Variants in NDUFAF2 observed in about 807,000 individuals in gnomAD.
The protein encoded by NDUFAF2 is NADH dehydrogenase [ubiquinone] 1 alpha subcomplex assembly factor 2.
Under a neutral mutation model 22.8 loss-of-function variants are expected in NDUFAF2, and 13 were observed. That is an observed-to-expected ratio of 0.57 (90% CI 0.37 to 0.91). NDUFAF2 has a LOEUF of 0.91. Ranked by LOEUF, NDUFAF2 falls within the 40% of genes least tolerant of loss-of-function variation. NDUFAF2 has a pLI of 0.01. For missense variants in NDUFAF2, 162 were observed against 195.2 expected (o/e 0.83, Z 1.01); for synonymous variants, 53 against 64.2 (o/e 0.83, Z 0.84).
intron 3 of NDUFAF2, among the ~76,000 whole-genome samples, chr5:61,130,843 A>G (rs1291778981): frequency 6.6e-6 from 1 of 152,178 alleles, no homozygotes; most frequent in East Asian, 1.9e-4. Context: ...TTTATGCTCC[A>G]GTGAGAAAGA....
At chr5:60,959,442 T>G (rs907684792) in intron 1 of NDUFAF2, among the ~76,000 whole-genome samples, 4 of 152,062 alleles carry the variant, frequency 2.6e-5, no homozygotes, top group Non-Finnish European at 4.4e-5. Context: ...ATAATATGGA[T>G]CATTCCTAAT....
At chr5:61,135,095 A>C (rs1457966221) in intron 3 of NDUFAF2, among the ~76,000 whole-genome samples, 1 of 151,924 alleles carries the variant, frequency 6.6e-6, no homozygotes, top group Non-Finnish European at 1.5e-5. Context: ...ACAATATTAA[A>C]TTTGAATTGG....
chr5:60,995,286 A>G (rs928610314), intron 1 of NDUFAF2, among the ~76,000 whole-genome samples: 2 of 152,206 alleles, frequency 1.3e-5, no homozygotes, highest in Non-Finnish European at 2.9e-5. Context: ...GTTAGGTATT[A>G]TAGTCATCAC....
intron 3 of NDUFAF2, among the ~76,000 whole-genome samples, chr5:61,108,251 T>C (rs1237907526): frequency 1.4e-5 from 2 of 146,586 alleles, no homozygotes; most frequent in African/African-American, 2.6e-5. Flanking sequence ...GTATTTCTAG[T>C]TCTAGATCCC....
chr5:61,039,283 A>G (rs1751841521), intron 1 of NDUFAF2, among the ~76,000 whole-genome samples: 1 of 152,094 alleles, frequency 6.6e-6, no homozygotes, highest in South Asian at 2.1e-4. Flanking sequence ...AAGAGACTAT[A>G]TTTGTAACAA....
At chr5:61,074,954 A>G (rs1305261698) in intron 2 of NDUFAF2, among the ~76,000 whole-genome samples, 3 of 152,136 alleles carry the variant, frequency 2.0e-5, no homozygotes. Flanking sequence ...ACTTCCAAAT[A>G]CTTATAAAGC....
At chr5:61,084,714 C>T (rs934916094) in intron 2 of NDUFAF2, among the ~76,000 whole-genome samples, 1 of 152,074 alleles carries the variant, frequency 6.6e-6, no homozygotes, top group East Asian at 1.9e-4. Flanking sequence ...TGTTGTTTAT[C>T]CATTCATCGA....
At chr5:61,140,285 A>C (rs916222017) in intron 3 of NDUFAF2, among the ~76,000 whole-genome samples, 1 of 152,182 alleles carries the variant, frequency 6.6e-6, no homozygotes, top group African/African-American at 2.4e-5. Flanking sequence ...ATATCTTAAC[A>C]ATCTTTTTTT....
chr5:61,007,882 G>C (rs912515684), intron 1 of NDUFAF2, among the ~76,000 whole-genome samples: 5 of 152,106 alleles, frequency 3.3e-5, no homozygotes, highest in African/African-American at 1.2e-4. Context: ...ATTCACAATA[G>C]CAAAGAGTTG....
chr5:61,036,146 C>T (rs1751797778), intron 1 of NDUFAF2, among the ~76,000 whole-genome samples: 1 of 152,234 alleles, frequency 6.6e-6, no homozygotes, highest in African/African-American at 2.4e-5. Context: ...AAGCATACAT[C>T]ACTTTCACCC....
intron 1 of NDUFAF2, among the ~76,000 whole-genome samples, chr5:61,048,605 A>C (rs1341490329): frequency 3.3e-5 from 5 of 152,164 alleles, no homozygotes; most frequent in Non-Finnish European, 7.4e-5. Context: ...GCTATCTCCC[A>C]GGCAGCTTTC....
At chr5:61,003,636 A>G (rs1751327240) in intron 1 of NDUFAF2, among the ~76,000 whole-genome samples, 2 of 149,526 alleles carry the variant, frequency 1.3e-5, no homozygotes, top group African/African-American at 4.9e-5. Context: ...CTTTGAAAAA[A>G]AATCTATACT....
At chr5:61,014,177 G>C (rs1368997167) in intron 1 of NDUFAF2, among the ~76,000 whole-genome samples, 1 of 152,222 alleles carries the variant, frequency 6.6e-6, no homozygotes, top group Non-Finnish European at 1.5e-5. Flanking sequence ...GGAGAGGGGA[G>C]AGGGGCTGGA....
chr5:61,118,542 G>A (rs777385285), intron 3 of NDUFAF2, among the ~76,000 whole-genome samples: 18 of 152,118 alleles, frequency 1.2e-4, no homozygotes, highest in South Asian at 4.1e-4. Flanking sequence ...GGCTGGTTGA[G>A]TTTGACAATG....
chr5:61,042,181 A>T (rs1040160326), intron 1 of NDUFAF2, among the ~76,000 whole-genome samples: 7 of 152,182 alleles, frequency 4.6e-5, no homozygotes, highest in African/African-American at 1.7e-4. Context: ...TTCAAAATTC[A>T]TTGGTCCTTT....
intron 1 of NDUFAF2, among the ~76,000 whole-genome samples, chr5:61,069,280 C>G (rs180984905): frequency 9.4e-4 from 143 of 152,270 alleles, no homozygotes; most frequent in Middle Eastern, 3.4e-3. Context: ...CATTACCTGT[C>G]CATAGGAGTT....
chr5:61,149,066 G>A (rs946397008), intron 3 of NDUFAF2, among the ~76,000 whole-genome samples: 5 of 152,108 alleles, frequency 3.3e-5, no homozygotes, highest in African/African-American at 1.2e-4. Flanking sequence ...CACCTCCCAG[G>A]TTCAAGCGAT....
chr5:61,139,010 C>T (rs1374197816), intron 3 of NDUFAF2, among the ~76,000 whole-genome samples: 1 of 152,100 alleles, frequency 6.6e-6, no homozygotes, highest in Admixed American at 6.5e-5. Context: ...CATATGTAGA[C>T]AATATTTAAA....
intron 2 of NDUFAF2, among the ~76,000 whole-genome samples, chr5:61,096,889 G>A (rs138765121): frequency 4.6e-5 from 7 of 152,172 alleles, no homozygotes; most frequent in Non-Finnish European, 1.0e-4. Context: ...ACTTGAATCC[G>A]GGAGACAGAA....
Sources: gnomAD v4.1 joint callset for allele counts (sites outside exome capture counted in the v4.1 genomes callset) on GRCh38, gnomAD v4.1.1 for gene constraint, MANE v1.5 for transcripts, NCBI Gene and HGNC (gene_info 2026-07-23, HGNC 2026-07-21) for gene names.